The following NECAB2 variants were observed in gnomAD, a reference collection of about 807,000 sequenced individuals.
NECAB2 encodes the protein N-terminal EF-hand calcium binding protein 2.
A neutral mutation model predicts 51.9 loss-of-function variants in NECAB2; 68 were observed. That is an observed-to-expected ratio of 1.31 (90% CI 1.08 to 1.60). The LOEUF (loss-of-function observed/expected upper bound fraction) is 1.60, where lower values mean the gene tolerates loss of function less well. Among genes scored for constraint, NECAB2 ranks in the 40% most tolerant of loss-of-function variants. NECAB2 has a pLI of 0.00. For synonymous variants in NECAB2, 329 were observed against 203.5 expected, an observed-to-expected ratio of 1.62 and a Z score of -5.25; for missense variants, 854 against 490.3, an observed-to-expected ratio of 1.74 and a Z score of -7.00.
At chr16:84,002,045 A>C (rs1309615358) in intron 12 of NECAB2, 129 bp downstream of exon 12, 1 of 1,153,678 alleles carries the variant, frequency 8.7e-7, no homozygotes, top group Non-Finnish European at 1.3e-6. Context: ...CCTGCCACCA[A>C]TGCCAGGCTC....
At chr16:83,980,655 C>T (rs1011748488) in intron 3 of NECAB2, among the ~76,000 whole-genome samples, 184 bp from the exon 4 acceptor site, 2 of 152,010 alleles carry the variant, frequency 1.3e-5, no homozygotes, top group South Asian at 2.1e-4. Flanking sequence ...ATCAGACAGA[C>T]GTGGGCCTTC....
At chr16:83,983,406 C>G (rs2151090746) in intron 5 of NECAB2, among the ~76,000 whole-genome samples, 1 of 152,238 alleles carries the variant, frequency 6.6e-6, no homozygotes, top group African/African-American at 2.4e-5. Context: ...GCTTGTTTGG[C>G]TCCTGATTTT....
intron 8 of NECAB2, 148 bp from the exon 9 acceptor site, chr16:83,997,068 G>A: frequency 1.3e-6 from 1 of 792,992 alleles, no homozygotes; most frequent in South Asian, 1.7e-5. Context: ...GGGAGTCTCT[G>A]CCACTTCCTA....
intron 3 of NECAB2, among the ~76,000 whole-genome samples, chr16:83,978,820 A>T (rs2084449413): frequency 6.6e-6 from 1 of 151,998 alleles, no homozygotes; most frequent in Non-Finnish European, 1.5e-5. Context: ...TGGACATGGG[A>T]TTATGAAAAT....
chr16:83,998,878 G>T (rs1437742774), intron 10 of NECAB2, among the ~76,000 whole-genome samples: 3 of 152,222 alleles, frequency 2.0e-5, no homozygotes, highest in Admixed American at 2.0e-4. Flanking sequence ...CCACCAGGCT[G>T]ATGTAGCTCC....
intron 2 of NECAB2, among the ~76,000 whole-genome samples, chr16:83,976,837 C>A (rs1242528269): frequency 1.3e-5 from 2 of 152,110 alleles, no homozygotes; most frequent in African/African-American, 2.4e-5. Context: ...CTGAGGACCC[C>A]CCCTCTCCTG....
Position 83,998,297 on chromosome 16 carries a change from T to G in NECAB2, c.942T>G (p.Thr314=), listed in dbSNP as rs754788451. The part of the protein sequence containing the change: ...DSLRQYLRGT[T]GVRNCFHITA... ...TGCGCCAGTATCTGCGGGGGACCAC[T>G]GGCGTGAGGAACTGCTTCCAGTGAG... The change falls in exon 10 of 13, where the codon ACT becomes ACG. Residue 314 remains threonine (T), a synonymous_variant. Coordinates refer to ENST00000305202, the MANE Select transcript of NECAB2 (RefSeq NM_019065.3). The G allele has an allele frequency of 5.0e-5, 81 of 1,613,400 alleles. No homozygotes were observed. Among genetic ancestry groups the G allele is most frequent in the Non-Finnish European group, 2.4e-5 (28 of 1,179,976 alleles).
At chr16:83,992,099 C>A (rs552660375) in intron 6 of NECAB2, among the ~76,000 whole-genome samples, 1 of 150,834 alleles carries the variant, frequency 6.6e-6, no homozygotes, top group Non-Finnish European at 1.5e-5. Flanking sequence ...GGCTTGCCAC[C>A]TCTCTGTTAA....
chr16:83,997,180 C>G (rs371262971), intron 8 of NECAB2, 36 bp from the exon 9 acceptor site: 20 of 1,613,760 alleles, frequency 1.2e-5, no homozygotes, highest in Middle Eastern at 1.6e-4. Context: ...GAGTGGGGCT[C>G]TGGGTCTAGC....
intron 2 of NECAB2, among the ~76,000 whole-genome samples, chr16:83,978,119 G>A (rs540802174): frequency 6.6e-6 from 1 of 152,334 alleles, no homozygotes; most frequent in East Asian, 1.9e-4. Context: ...AGTGCATGGT[G>A]AGCCCAAGAA....
Position 83,997,156 on chromosome 16 carries a change from G to T in NECAB2, c.796-60G>T. ...CAGCCCCAGGGATCCCAGAGCTCCTGGCTCCCCGGGGCGGAGTGGGGCTCT... is the reference window on the plus strand; with the variant it reads ...CAGCCCCAGGGATCCCAGAGCTCCTTGCTCCCCGGGGCGGAGTGGGGCTCT... On this transcript the variant is annotated intron_variant, in intron 8 of 12. Coordinates refer to ENST00000305202, the MANE Select transcript of NECAB2 (RefSeq NM_019065.3). 3.1e-6 allele frequency: 5 copies of T among 1,608,436 alleles called. No individual in the cohort carries two copies. The South Asian group carries it at 5.5e-5, about 18-fold the overall frequency.
chr16:83,998,431 C>G (rs1054934173), intron 10 of NECAB2, 114 bp downstream of exon 10: 17 of 949,538 alleles, frequency 1.8e-5, no homozygotes, highest in African/African-American at 6.5e-5. Flanking sequence ...ACCCCAGGGA[C>G]ACACACAGCT....
chr16:83,971,737 T>G, intron 1 of NECAB2: 1 of 237,364 alleles, frequency 4.2e-6, no homozygotes, highest in Non-Finnish European at 8.1e-6. Flanking sequence ...CACCAGGGGT[T>G]TTGGAAGGAC....
intron 10 of NECAB2, among the ~76,000 whole-genome samples, chr16:83,999,114 T>G (rs2151101631): frequency 6.6e-6 from 1 of 152,266 alleles, no homozygotes. Context: ...CACAGGGTCT[T>G]TGAGAGGGGT....
chr16:84,002,383 C>CCTT lies in NECAB2; in HGVS notation c.*44_*46dup. On this transcript the variant is annotated 3_prime_UTR_variant, in exon 13 of 13. Transcript: ENST00000305202. ...AGGCCCGTGGAGGAGCCCACCAGCC[C>CCTT]CTTCTTCTTGTGAAGGAAATCCCGT... 1 of 1,606,228 alleles carries CCTT rather than the reference C, an allele frequency of 6.2e-7. No homozygotes were observed. Among genetic ancestry groups the CCTT allele is most frequent in the Non-Finnish European group, 8.5e-7 (1 of 1,176,440 alleles).
chr16:83,989,873 C>T (rs1214837566), intron 5 of NECAB2, among the ~76,000 whole-genome samples: 1 of 152,170 alleles, frequency 6.6e-6, no homozygotes, highest in African/African-American at 2.4e-5. Context: ...CTGATTTCCC[C>T]CCAGGCTCCT....
At chr16:83,988,012 T>A (rs1256024545) in intron 5 of NECAB2, among the ~76,000 whole-genome samples, 1 of 152,234 alleles carries the variant, frequency 6.6e-6, no homozygotes, top group African/African-American at 2.4e-5. Context: ...ACTTTCTCAT[T>A]TAAATTCTAA....
rs139095086 is a variant in NECAB2, at chr16:83,997,241, G to A, written c.821G>A (p.Arg274His). ...GCACTGTGGTTCGACCTGCAGCAGCGCCTGTCAGATGAAGATGGCACCAAC... is the reference window on the plus strand; with the variant it reads ...GCACTGTGGTTCGACCTGCAGCAGCACCTGTCAGATGAAGATGGCACCAAC... ...SKALWFDLQQ[R>H]LSDEDGTNMH... Residue 274 changes from arginine (R) to histidine (H), a missense_variant, in exon 9 of 13, where the codon CGC (arginine) becomes CAC (histidine). By Grantham distance (29) the Arg-to-His change is conservative. Coordinates refer to ENST00000305202, the MANE Select transcript of NECAB2 (RefSeq NM_019065.3). The A allele has an allele frequency of 3.3e-5, 54 of 1,614,098 alleles. No individual in the cohort carries two copies. The highest frequency in any genetic ancestry group is 3.3e-4 in the Middle Eastern group (2 of 6,062).
intron 10 of NECAB2, among the ~76,000 whole-genome samples, chr16:83,999,976 C>T (rs903447405): frequency 6.6e-6 from 1 of 152,052 alleles, no homozygotes; most frequent in Non-Finnish European, 1.5e-5. Context: ...AACCTCTCAC[C>T]AGAGGGTTTA....
Sources: gnomAD v4.1 joint callset for allele counts (sites outside exome capture counted in the v4.1 genomes callset) on GRCh38, gnomAD v4.1.1 for gene constraint, MANE v1.5 for transcripts, NCBI Gene and HGNC (gene_info 2026-07-23, HGNC 2026-07-21) for gene names.